Variants in SPAG16 observed in about 807,000 individuals in gnomAD.
The protein encoded by SPAG16 is sperm-associated antigen 16 protein.
In SPAG16, 86 loss-of-function variants were observed where a neutral mutation model predicts 80.4. The ratio of observed to expected loss-of-function variants is 1.07; its 90% confidence interval spans 0.90 to 1.28. The LOEUF (loss-of-function observed/expected upper bound fraction) is 1.28. SPAG16 is among the 50% of genes most tolerant of loss of function. The pLI, the probability that SPAG16 is intolerant of heterozygous loss-of-function variation, is 0.00. For synonymous variants in SPAG16, 294 were observed against 265.9 expected, an observed-to-expected ratio of 1.11 and a Z score of -1.03; for missense variants, 870 against 765.3, an observed-to-expected ratio of 1.14 and a Z score of -1.61.
At chr2:214,195,845 T>G (rs556681290) in intron 15 of SPAG16, among the ~76,000 whole-genome samples, 6 of 152,132 alleles carry the variant, frequency 3.9e-5, no homozygotes, top group African/African-American at 1.2e-4. Context: ...GCTGGAGTTA[T>G]GAATTTGAAG....
intron 15 of SPAG16, among the ~76,000 whole-genome samples, chr2:214,348,232 A>T (rs1559231962): frequency 6.6e-6 from 1 of 152,230 alleles, no homozygotes; most frequent in Non-Finnish European, 1.5e-5. Flanking sequence ...AATTCAGATT[A>T]TGAGACAAGA....
chr2:214,325,226 T>C (rs16851779), intron 15 of SPAG16, among the ~76,000 whole-genome samples: 18,531 of 152,168 alleles, frequency 0.12, 1,793 homozygotes, highest in African/African-American at 0.27. Flanking sequence ...ATAATATGCC[T>C]ACTACTTACC....
intron 11 of SPAG16, among the ~76,000 whole-genome samples, chr2:213,872,869 G>A (rs1002796572): frequency 1.7e-4 from 26 of 152,180 alleles, no homozygotes; most frequent in African/African-American, 6.3e-4. Flanking sequence ...TATTCTATCA[G>A]TGTGGCCTAT....
chr2:213,444,799 A>C (rs1351541896), intron 9 of SPAG16, among the ~76,000 whole-genome samples: 1 of 152,216 alleles, frequency 6.6e-6, no homozygotes, highest in Non-Finnish European at 1.5e-5. Flanking sequence ...CTGATCAAAA[A>C]GAACAAAGCT....
At position 214,108,247 on chromosome 2, in the gene SPAG16, A is replaced by G. The variant is rs566287369; in HGVS notation, c.1579A>G (p.Ile527Val). 7 of 1,602,386 alleles carry G rather than the reference A, an allele frequency of 4.4e-6. No homozygotes were observed. The highest frequency in any genetic ancestry group is 6.0e-6 in the Non-Finnish European group (7 of 1,171,302). The change falls in exon 14 of 16, where the codon ATT becomes GTT. Residue 527 changes from isoleucine to valine, a missense_variant. Transcript: ENST00000331683. ...TCACATGCATTCTATCAATGATGCC[A>G]TTTTTGATCCCAGGGTAAGTTCAGT... ...YGHMHSINDA[I>V]FDPRGHMIAS...
intron 10 of SPAG16, among the ~76,000 whole-genome samples, chr2:213,628,458 A>G (rs936629038): frequency 6.6e-6 from 1 of 152,214 alleles, no homozygotes; most frequent in African/African-American, 2.4e-5. Context: ...AATTATGAAG[A>G]GTCTTATTCA....
intron 4 of SPAG16, among the ~76,000 whole-genome samples, chr2:213,316,691 T>A (rs1306463057): frequency 1.3e-5 from 2 of 152,042 alleles, no homozygotes; most frequent in Non-Finnish European, 2.9e-5. Flanking sequence ...CCATTGCATT[T>A]ACTTTTCCAT....
At position 214,059,186 on chromosome 2, in the gene SPAG16, C is replaced by CTCTATATA. The variant is rs1553706143; in HGVS notation, c.1527+45110_1527+45111insCTATATAT. Among the ~76,000 whole-genome samples the CTCTATATA allele has an allele frequency of 7.9e-5, 9 of 114,390 alleles. No homozygotes were observed. The East Asian group carries it at 1.2e-3, about 15-fold the overall frequency. The allele number at this position is 114,390 out of a possible 152,430, so 75.0% of individuals were successfully genotyped here. On this transcript the variant is annotated intron_variant, in intron 13 of 15. Transcript: ENST00000331683. Reference sequence around the variant, plus strand: ...AGCAAGACTCTGTCTCTCTCTCTGTCTATATATATATATATATATATATAT... The same window carrying CTCTATATA: ...AGCAAGACTCTGTCTCTCTCTCTGTCTCTATATATATATATATATATATATATATATAT...
At chr2:213,881,122 T>C (rs1229890570) in intron 11 of SPAG16, among the ~76,000 whole-genome samples, 1 of 152,064 alleles carries the variant, frequency 6.6e-6, no homozygotes, top group African/African-American at 2.4e-5. Context: ...TACTTTGTGT[T>C]GTCTGTGATT....
intron 9 of SPAG16, among the ~76,000 whole-genome samples, chr2:213,382,227 C>CTTTTTTTTTTT (rs2067209714): frequency 6.6e-6 from 1 of 152,092 alleles, no homozygotes; most frequent in African/African-American, 2.4e-5. Flanking sequence ...ATAATTCTTC[C>CTTTTTTTTTTT]TTTTTTAAGA....
intron 15 of SPAG16, among the ~76,000 whole-genome samples, chr2:214,392,449 T>A (rs1701142071): frequency 6.6e-6 from 1 of 152,120 alleles, no homozygotes; most frequent in Non-Finnish European, 1.5e-5. Context: ...GCCACAGTGC[T>A]GAGCCTCAGA....
chr2:214,112,599 T>A (rs71428329), intron 14 of SPAG16, among the ~76,000 whole-genome samples: 13,067 of 150,766 alleles, frequency 0.087, 749 homozygotes, highest in East Asian at 0.28. Flanking sequence ...TTTGTTGGTT[T>A]AAAGTCTGTT....
intron 9 of SPAG16, among the ~76,000 whole-genome samples, chr2:213,461,645 A>T (rs1157145396): frequency 1.3e-5 from 2 of 152,228 alleles, no homozygotes; most frequent in Admixed American, 6.5e-5. Flanking sequence ...GGCACATTTC[A>T]GGTTGGCAAG....
intron 15 of SPAG16, among the ~76,000 whole-genome samples, chr2:214,173,231 G>C (rs564504942): frequency 9.9e-5 from 15 of 152,152 alleles, no homozygotes; most frequent in African/African-American, 3.1e-4. Context: ...ATGGTTTTAG[G>C]TCTAACATTT....
At chr2:214,207,766 A>G (rs939074560) in intron 15 of SPAG16, among the ~76,000 whole-genome samples, 2 of 152,206 alleles carry the variant, frequency 1.3e-5, no homozygotes, top group Non-Finnish European at 2.9e-5. Flanking sequence ...GTACCATCCA[A>G]TCAGTTGCCA....
rs956657877 is a variant in SPAG16, at chr2:213,869,068, A to G, written c.1214+6440A>G. 2.6e-4 allele frequency among the ~76,000 whole-genome samples: 39 copies of G among 151,614 alleles called. 1 individual carries two copies. Among genetic ancestry groups the G allele is most frequent in the Admixed American group, 8.6e-4 (13 of 15,204 alleles). On this transcript the variant is annotated intron_variant, in intron 11 of 15. Coordinates refer to ENST00000331683, the MANE Select transcript of SPAG16 (RefSeq NM_024532.5). ...GGATTTCGAGACCAGCCTGACCAAC[A>G]TGGTGAAACCTCATCTCTACTAAAA...
At position 213,981,222 on chromosome 2, in the gene SPAG16, C is replaced by T. The variant is rs142216613; in HGVS notation, c.1401-32729C>T. The stretch of plus-strand genomic sequence containing the variant: ...CAAATCCTTTCAGATCAGTGCTTCA[C>T]CCTTAAGAACTCATTTAACTCTAAT... On this transcript the variant is annotated intron_variant, in intron 12 of 15. Coordinates refer to ENST00000331683, the MANE Select transcript of SPAG16 (RefSeq NM_024532.5). 3.2e-3 allele frequency among the ~76,000 whole-genome samples: 493 copies of T among 152,210 alleles called. 2 individuals carry two copies. The highest frequency in any genetic ancestry group is 0.012 in the African/African-American group (479 of 41,546).
At chr2:214,081,534 G>A (rs1168639979) in intron 13 of SPAG16, among the ~76,000 whole-genome samples, 1 of 152,194 alleles carries the variant, frequency 6.6e-6, no homozygotes, top group African/African-American at 2.4e-5. Context: ...AGATTGTAAT[G>A]CTGCATCTAC....
chr2:213,876,662 T>G (rs1017805572), intron 11 of SPAG16, among the ~76,000 whole-genome samples: 11 of 152,124 alleles, frequency 7.2e-5, no homozygotes, highest in African/African-American at 2.7e-4. Context: ...AATGTTTACT[T>G]TTCCCCTCCA....
Sources: gnomAD v4.1 joint callset for allele counts (sites outside exome capture counted in the v4.1 genomes callset) on GRCh38, gnomAD v4.1.1 for gene constraint, MANE v1.5 for transcripts, NCBI Gene and HGNC (gene_info 2026-07-23, HGNC 2026-07-21) for gene names.